The following MADD variants were observed in gnomAD, a reference collection of about 807,000 sequenced individuals.
The protein encoded by MADD is MAP kinase-activating death domain protein.
MADD carries 109 observed loss-of-function variants against 176.7 expected under a neutral mutation model. The ratio of observed to expected loss-of-function variants is 0.62; its 90% confidence interval spans 0.53 to 0.72. The LOEUF (loss-of-function observed/expected upper bound fraction) is 0.72. MADD is among the 30% of genes least tolerant of loss of function. The probability of loss-of-function intolerance (pLI) is 0.00; values close to 1 mark genes in which losing one functional copy is unlikely to be tolerated. For missense variants in MADD, 1,914 were observed against 2,045.5 expected (o/e 0.94, Z 1.24); for synonymous variants, 771 against 771.3 (o/e 1.00, Z 0.01).
chr11:47,285,571 G>A, exon 14 of MADD: 1 of 1,614,066 alleles, frequency 6.2e-7, no homozygotes. Flanking sequence ...AGGGCTTCGG[G>A]GGCATCATGT....
intron 22 of MADD, among the ~76,000 whole-genome samples, chr11:47,296,838 C>T (rs1179373304): frequency 1.3e-5 from 2 of 148,410 alleles, no homozygotes; most frequent in Non-Finnish European, 3.0e-5. Context: ...ACAGTCACTG[C>T]TCAACTGCTC....
At chr11:47,294,185 A>G (rs537268291) in intron 20 of MADD, among the ~76,000 whole-genome samples, 30 of 150,568 alleles carry the variant, frequency 2.0e-4, no homozygotes, top group Admixed American at 7.3e-4. Flanking sequence ...CCCCGCCCCT[A>G]TGAAAAATAC....
chr11:47,292,695 T>G, intron 19 of MADD, 99 bp downstream of exon 21: 1 of 1,224,712 alleles, frequency 8.2e-7, no homozygotes, highest in Non-Finnish European at 1.2e-6. Context: ...CCACCCCAAA[T>G]TTGCTCTTAG....
chr11:47,303,328 G>A (rs1008398378), intron 22 of MADD, among the ~76,000 whole-genome samples: 18 of 137,944 alleles, frequency 1.3e-4, no homozygotes, highest in Admixed American at 5.7e-4. Context: ...TGCAAGCTCC[G>A]CCTCCTGGGT....
chr11:47,294,669 C>CAAAAA (rs58253961), intron 20 of MADD, among the ~76,000 whole-genome samples: 7 of 55,994 alleles, frequency 1.3e-4, no homozygotes, highest in Admixed American at 6.5e-4. Context: ...GACTCCGTCT[C>CAAAAA]AAAAAAAAAA....
intron 27 of MADD, among the ~76,000 whole-genome samples, chr11:47,318,239 A>G (rs1249529914): frequency 6.6e-6 from 1 of 152,210 alleles, no homozygotes; most frequent in Admixed American, 6.5e-5. Flanking sequence ...GACCAAATAC[A>G]ACTCCTATAT....
intron 22 of MADD, among the ~76,000 whole-genome samples, chr11:47,297,789 C>CTTTT (rs35063043): frequency 3.5e-4 from 40 of 113,356 alleles, no homozygotes; most frequent in Non-Finnish European, 4.5e-4. Context: ...TTCTTTCTTT[C>CTTTT]TTTTTTTTTT....
intron 19 of MADD, among the ~76,000 whole-genome samples, chr11:47,291,443 C>T (rs1396147656): frequency 6.6e-6 from 1 of 152,162 alleles, no homozygotes; most frequent in Non-Finnish European, 1.5e-5. Context: ...CTGTTTGGCT[C>T]ACTCCCTGCT....
At chr11:47,327,016 G>A (rs1162196788) in intron 31 of MADD, 2 of 1,326,990 alleles carry the variant, frequency 1.5e-6, no homozygotes, top group Non-Finnish European at 1.9e-6. Flanking sequence ...AAGAGCAAAT[G>A]GGGCCTCAGG....
intron 1 of MADD, 110 bp from the exon 2 acceptor site, chr11:47,273,717 G>A: frequency 1.9e-6 from 1 of 532,870 alleles, no homozygotes; most frequent in Non-Finnish European, 3.4e-6. Flanking sequence ...CCTATCATTA[G>A]TATGAAAGTG....
At chr11:47,327,924 G>A in intron 31 of MADD, 12 of 985,318 alleles carry the variant, frequency 1.2e-5, no homozygotes, top group Non-Finnish European at 1.4e-5. Flanking sequence ...GCTGGAGCGG[G>A]GGGACTCTCA....
chr11:47,318,602 T>C (rs2093700870), intron 27 of MADD, among the ~76,000 whole-genome samples: 1 of 152,142 alleles, frequency 6.6e-6, no homozygotes, highest in Non-Finnish European at 1.5e-5. Flanking sequence ...AGCCTCATGC[T>C]AAGTCTCTGG....
intron 21 of MADD, 75 bp from the exon 24 acceptor site, chr11:47,295,822 A>G (rs781007481): frequency 7.2e-5 from 111 of 1,546,766 alleles, no homozygotes; most frequent in Non-Finnish European, 9.2e-5. Flanking sequence ...TTATGGTGGC[A>G]GGGAGCTCTA....
Position 47,287,144 on chromosome 11 carries a change from C to T in MADD, c.2653+610C>T, listed in dbSNP as rs370142741. On this transcript the variant is annotated intron_variant, in intron 15 of 32. Transcript: ENST00000402192. ...TTCGAGACCAGACTGACCAACATGG[C>T]GAAACGCCGTCTCTGCTAAAAATAC... Among the ~76,000 whole-genome samples, 19 of 152,244 alleles carry T rather than the reference C, an allele frequency of 1.2e-4. No individual in the cohort carries two copies. The East Asian group carries it at 2.7e-3, about 22-fold the overall frequency.
chr11:47,311,360 A>C (rs2088944767), intron 25 of MADD, among the ~76,000 whole-genome samples: 1 of 152,178 alleles, frequency 6.6e-6, no homozygotes, highest in African/African-American at 2.4e-5. Flanking sequence ...TGTCTTGGCT[A>C]CCCAGTCTGG....
At chr11:47,296,008 T>C (rs1332401809) in exon 22 of MADD, 5 of 1,614,088 alleles carry the variant, frequency 3.1e-6, no homozygotes, top group Non-Finnish European at 4.2e-6. Context: ...TCGGGGCACT[T>C]TGTCTGATAG....
intron 27 of MADD, among the ~76,000 whole-genome samples, chr11:47,321,317 A>T (rs1595332585): frequency 1.3e-5 from 2 of 152,216 alleles, no homozygotes; most frequent in East Asian, 3.8e-4. Flanking sequence ...CAAGTTTCCC[A>T]TTCCTACTCT....
At chr11:47,279,167 A>T (rs1035934571) in intron 7 of MADD, 88 bp downstream of exon 7, 5 of 1,278,294 alleles carry the variant, frequency 3.9e-6, no homozygotes, top group Non-Finnish European at 5.6e-6. Context: ...CCAATTTCCT[A>T]TCAAACTTCA....
At position 47,276,872 on chromosome 11, in the gene MADD, C is replaced by T; in HGVS notation, c.1095+9C>T. The T allele has an allele frequency of 6.2e-7, 1 of 1,613,706 alleles. No homozygotes were observed. The highest frequency in any genetic ancestry group is 1.1e-5 in the South Asian group (1 of 91,072). ...TGGCATCAGCAGAGCAGGTGAGTCTCAAGGCGACTTCCGGCTTTCTCACCT... is the reference window on the plus strand; with the variant it reads ...TGGCATCAGCAGAGCAGGTGAGTCTTAAGGCGACTTCCGGCTTTCTCACCT... On this transcript the variant is annotated intron_variant, in intron 5 of 32. Transcript: ENST00000402192.
Sources: gnomAD v4.1 joint callset for allele counts (sites outside exome capture counted in the v4.1 genomes callset) on GRCh38, gnomAD v4.1.1 for gene constraint, MANE v1.5 for transcripts, NCBI Gene and HGNC (gene_info 2026-07-23, HGNC 2026-07-21) for gene names.